Variants in TTC8 observed in about 807,000 individuals in gnomAD.
The protein encoded by TTC8 is tetratricopeptide repeat domain 8, also known as tetratricopeptide repeat protein 8.
In TTC8, 47 loss-of-function variants were observed where a neutral mutation model predicts 72.5. The observed-to-expected ratio is 0.65, with a 90% CI of 0.51 to 0.83. The LOEUF (loss-of-function observed/expected upper bound fraction) is 0.83, where lower values mean the gene tolerates loss of function less well. Ranked by LOEUF, TTC8 falls within the 40% of genes least tolerant of loss-of-function variation. The probability of loss-of-function intolerance (pLI) is 0.00; values close to 1 mark genes in which losing one functional copy is unlikely to be tolerated. For synonymous variants in TTC8, 199 were observed against 221.4 expected (o/e 0.90, Z 0.90); for missense variants, 611 against 623.2 (o/e 0.98, Z 0.21).
chr14:88,842,369 A>G (rs2094785764), intron 6 of TTC8, among the ~76,000 whole-genome samples: 1 of 152,216 alleles, frequency 6.6e-6, no homozygotes, highest in Non-Finnish European at 1.5e-5. Flanking sequence ...TTAAGTCTGA[A>G]AAAAAGATGC....
intron 7 of TTC8, among the ~76,000 whole-genome samples, chr14:88,849,866 G>A (rs751844138): frequency 2.6e-5 from 4 of 152,024 alleles, no homozygotes; most frequent in East Asian, 1.9e-4. Flanking sequence ...TGTTGGTATC[G>A]ACAAAACTAA....
intron 11 of TTC8, among the ~76,000 whole-genome samples, 172 bp downstream of exon 11, chr14:88,870,370 A>G (rs536603853): frequency 6.6e-6 from 1 of 152,362 alleles, no homozygotes; most frequent in East Asian, 1.9e-4. Flanking sequence ...ATAATTTGGA[A>G]ACATGCAGAT....
chr14:88,830,794 C>T, intron 1 of TTC8: 1 of 453,156 alleles, frequency 2.2e-6, no homozygotes, highest in South Asian at 1.6e-5. Flanking sequence ...TGAGAGCGAC[C>T]CAAAGAGGAA....
At chr14:88,838,400 G>T (rs771857282) in intron 2 of TTC8, among the ~76,000 whole-genome samples, 1 of 152,034 alleles carries the variant, frequency 6.6e-6, no homozygotes, top group Non-Finnish European at 1.5e-5. Flanking sequence ...GGACTTTCTG[G>T]ACCTCCTGTA....
chr14:88,866,482 G>C (rs376878452), intron 10 of TTC8, among the ~76,000 whole-genome samples: 2 of 151,766 alleles, frequency 1.3e-5, no homozygotes, highest in Admixed American at 6.6e-5. Context: ...CCATGTCATG[G>C]TGTGGCTTTT....
At chr14:88,824,284 G>T, upstream of TTC8, 1 of 169,400 alleles carries the variant, frequency 5.9e-6, no homozygotes. Context: ...ATGGAAACGA[G>T]CGAATGGAAG....
intron 1 of TTC8, among the ~76,000 whole-genome samples, chr14:88,826,631 A>C (rs763457804): frequency 6.6e-6 from 1 of 152,054 alleles, no homozygotes; most frequent in African/African-American, 2.4e-5. Context: ...GTGAACCCGG[A>C]AGGCGGAGCT....
chr14:88,863,484 A>G (rs945668350), intron 10 of TTC8, among the ~76,000 whole-genome samples: 4 of 152,210 alleles, frequency 2.6e-5, no homozygotes, highest in African/African-American at 7.2e-5. Context: ...CTCTGTATCC[A>G]TGGTTACTAT....
chr14:88,839,551 A>G lies in TTC8; in HGVS notation c.244A>G (p.Asn82Asp). 1 of 1,613,242 alleles carries G rather than the reference A, an allele frequency of 6.2e-7. No individual in the cohort carries two copies. Among genetic ancestry groups the G allele is most frequent in the East Asian group, 2.2e-5 (1 of 44,720 alleles). The part of the protein sequence containing the change: ...EGIAEMMLDE[N>D]AIAQVPRPGT... The stretch of plus-strand genomic sequence containing the variant: ...AATTGCAGAAATGATGCTGGATGAA[A>G]ATGCTATAGCTCAAGTTCCACGTAA... Residue 82 changes from asparagine (N) to aspartate (D), a missense_variant, in exon 3 of 15, where the codon AAT becomes GAT. Asn to Asp is a conservative substitution (Grantham distance 23, BLOSUM62 1). Transcript: ENST00000380656.
At chr14:88,872,533 T>C in intron 13 of TTC8, 81 bp downstream of exon 13, 2 of 1,589,268 alleles carry the variant, frequency 1.3e-6, no homozygotes, top group Non-Finnish European at 1.7e-6. Flanking sequence ...TTACAGCGTA[T>C]GTTATTTTAA....
chr14:88,839,531 C>A lies in TTC8; in HGVS notation c.224C>A (p.Ala75Glu), dbSNP rs1230989542. The part of the protein sequence containing the change: ...DEIDVDQEGI[A>E]EMMLDENAIA... ...ATTGATGTAGATCAGGAAGGAATTG[C>A]AGAAATGATGCTGGATGAAAATGCT... is the stretch of plus-strand genomic sequence containing the variant. Residue 75 changes from alanine to glutamate, a missense_variant, in exon 3 of 15, where the codon GCA becomes GAA. Coordinates refer to ENST00000380656, the MANE Select transcript of TTC8 (RefSeq NM_144596.4). 5 of 1,613,058 alleles carry A rather than the reference C, an allele frequency of 3.1e-6. No homozygotes were observed. Among genetic ancestry groups the A allele is most frequent in the South Asian group, 2.2e-5 (2 of 91,068 alleles).
At chr14:88,825,991 A>G (rs935084070) in intron 1 of TTC8, among the ~76,000 whole-genome samples, 2 of 149,184 alleles carry the variant, frequency 1.3e-5, no homozygotes, top group South Asian at 2.1e-4. Flanking sequence ...ATTTTTTTTT[A>G]TTTTTTTTTG....
intron 11 of TTC8, among the ~76,000 whole-genome samples, chr14:88,870,551 G>A (rs185062389): frequency 6.6e-6 from 1 of 152,172 alleles, no homozygotes; most frequent in African/African-American, 2.4e-5. Context: ...GAAATTGAAA[G>A]GTGAAAAGAT....
At chr14:88,864,668 G>T (rs1370294145) in intron 10 of TTC8, among the ~76,000 whole-genome samples, 1 of 152,168 alleles carries the variant, frequency 6.6e-6, no homozygotes, top group East Asian at 1.9e-4. Flanking sequence ...CTTAGCTGTA[G>T]GGACAATCAT....
At chr14:88,840,549 C>T (rs2094775307) in intron 3 of TTC8, among the ~76,000 whole-genome samples, 1 of 152,030 alleles carries the variant, frequency 6.6e-6, no homozygotes. Context: ...TTATTTTGAA[C>T]TTTGGAGCCT....
chr14:88,837,135 T>C, intron 2 of TTC8: 1 of 194,214 alleles, frequency 5.1e-6, no homozygotes, highest in Non-Finnish European at 1.1e-5. Context: ...GAAGCCTCAT[T>C]AGCTTCTCAT....
chr14:88,874,954 A>C lies in TTC8; in HGVS notation c.1348-72A>C, dbSNP rs940707666. The C allele has an allele frequency of 2.3e-4, 292 of 1,269,924 alleles. No homozygotes were observed. In the African/African-American group the frequency reaches 4.1e-3, roughly 18 times the overall value. The allele number at this position is 1,269,924 out of a possible 1,614,324, so 78.7% of individuals were successfully genotyped here. On this transcript the variant is annotated intron_variant, in intron 13 of 14. Transcript: ENST00000380656. ...TAGGTAAAGAATTCTTTTACCAAAAAAAAAACACAAATATGGTGCTGATAT... is the reference window on the plus strand; with the variant it reads ...TAGGTAAAGAATTCTTTTACCAAAACAAAAACACAAATATGGTGCTGATAT...
chr14:88,831,652 G>C (rs1021603791), intron 1 of TTC8, among the ~76,000 whole-genome samples: 2 of 151,760 alleles, frequency 1.3e-5, no homozygotes, highest in Non-Finnish European at 2.9e-5. Flanking sequence ...CATGTGGTAA[G>C]TGATAAAAAA....
In TTC8 at chr14:88,839,555, C is replaced by T. The variant is rs2094770130; in HGVS notation, c.248C>T (p.Ala83Val). Reference protein sequence around the residue: ...GIAEMMLDENAIAQVPRPGTS... With the variant: ...GIAEMMLDENVIAQVPRPGTS... ...GCAGAAATGATGCTGGATGAAAATG[C>T]TATAGCTCAAGTTCCACGTAAGTAT... is the stretch of plus-strand genomic sequence containing the variant. Residue 83 changes from alanine (A) to valine (V), a missense_variant, in exon 3 of 15, where the codon GCT becomes GTT. Physicochemically the swap from Ala to Val is moderately conservative, Grantham distance 64. Transcript: ENST00000380656. The T allele has an allele frequency of 2.5e-6, 4 of 1,613,084 alleles. No homozygotes were observed. Among genetic ancestry groups the T allele is most frequent in the Non-Finnish European group, 3.4e-6 (4 of 1,179,416 alleles).
Sources: gnomAD v4.1 joint callset for allele counts (sites outside exome capture counted in the v4.1 genomes callset) on GRCh38, gnomAD v4.1.1 for gene constraint, MANE v1.5 for transcripts, NCBI Gene and HGNC (gene_info 2026-07-23, HGNC 2026-07-21) for gene names.